The following CSMD1 variants were observed in gnomAD, a reference collection of about 807,000 sequenced individuals.
The protein encoded by CSMD1 is CUB and Sushi multiple domains 1, also known as CUB and sushi domain-containing protein 1.
A neutral mutation model predicts 417.5 loss-of-function variants in CSMD1; 213 were observed. The ratio of observed to expected loss-of-function variants is 0.51; its 90% confidence interval spans 0.46 to 0.57. The LOEUF is 0.57. Ranked by LOEUF, CSMD1 falls within the 20% of genes least tolerant of loss-of-function variation. The pLI, the probability that CSMD1 is intolerant of heterozygous loss-of-function variation, is 0.00. For missense variants in CSMD1, 6,923 were observed against 4,529.7 expected, an observed-to-expected ratio of 1.53 and a Z score of -15.17; for synonymous variants, 2,862 against 1,736.8, an observed-to-expected ratio of 1.65 and a Z score of -16.11.
rs552489770 is a variant in CSMD1 at position 4,681,157 on chromosome 8, C to T, written c.86-43599G>A. On this transcript the variant is annotated intron_variant, in intron 1 of 69. Coordinates refer to ENST00000635120, the MANE Select transcript of CSMD1 (RefSeq NM_033225.6). ...TTTTGACATAGGCATGAATGGCCAA[C>T]AATACTTCTTGAGAAGGTAATCTAT... Among the ~76,000 whole-genome samples the T allele has an allele frequency of 2.1e-3, 318 of 152,202 alleles. 4 individuals carry two copies. Among genetic ancestry groups the T allele is most frequent in the South Asian group, 3.9e-3 (19 of 4,822 alleles).
intron 21 of CSMD1, 60 bp from the exon 22 acceptor site, chr8:3,348,221 GA>G: frequency 7.4e-7 from 1 of 1,342,914 alleles, no homozygotes; most frequent in Non-Finnish European, 1.0e-6. Flanking sequence ...GTTTTTAACA[GA>G]TTAAAAACTT....
At chr8:4,689,153 G>C (rs1324843474) in intron 1 of CSMD1, among the ~76,000 whole-genome samples, 1 of 152,142 alleles carries the variant, frequency 6.6e-6, no homozygotes, top group Non-Finnish European at 1.5e-5. Context: ...ATTCAGCAAA[G>C]GTAACAGGCC....
At chr8:3,539,911 T>C (rs545277698) in intron 10 of CSMD1, among the ~76,000 whole-genome samples, 4 of 152,312 alleles carry the variant, frequency 2.6e-5, no homozygotes, top group South Asian at 2.1e-4. Flanking sequence ...TTAGACACAA[T>C]TGCTTCATGG....
At chr8:3,654,430 T>C (rs560472506) in intron 7 of CSMD1, among the ~76,000 whole-genome samples, 1 of 152,140 alleles carries the variant, frequency 6.6e-6, no homozygotes, top group Non-Finnish European at 1.5e-5. Context: ...CACATGCCTG[T>C]GCACATAGGG....
At chr8:4,883,432 T>C (rs1585260173) in intron 1 of CSMD1, among the ~76,000 whole-genome samples, 1 of 152,106 alleles carries the variant, frequency 6.6e-6, no homozygotes, top group East Asian at 1.9e-4. Context: ...TCTCTCATTT[T>C]GAACATTTTT....
intron 2 of CSMD1, among the ~76,000 whole-genome samples, chr8:4,583,201 C>A (rs1359440852): frequency 6.6e-6 from 1 of 152,182 alleles, no homozygotes; most frequent in Non-Finnish European, 1.5e-5. Flanking sequence ...CACCCAAGGG[C>A]TGAGGAATGC....
intron 3 of CSMD1, among the ~76,000 whole-genome samples, chr8:4,091,996 T>G (rs768707530): frequency 1.3e-5 from 2 of 152,272 alleles, no homozygotes; most frequent in East Asian, 1.9e-4. Flanking sequence ...GCCTAAAAAG[T>G]GAAGCTACTT....
intron 5 of CSMD1, among the ~76,000 whole-genome samples, chr8:3,851,467 A>G (rs1385623601): frequency 6.6e-6 from 1 of 152,138 alleles, no homozygotes; most frequent in Non-Finnish European, 1.5e-5. Context: ...ATCTCAAGGG[A>G]AAAAGTACAA....
intron 6 of CSMD1, among the ~76,000 whole-genome samples, chr8:3,727,178 C>A (rs1585141148): frequency 6.6e-6 from 1 of 152,156 alleles, no homozygotes; most frequent in South Asian, 2.1e-4. Context: ...ATACTTAGAG[C>A]AATGTGAATG....
chr8:4,148,658 G>A (rs776751720), intron 3 of CSMD1, among the ~76,000 whole-genome samples: 1 of 152,172 alleles, frequency 6.6e-6, no homozygotes, highest in African/African-American at 2.4e-5. Context: ...GGATGGCAGA[G>A]AGAGGAGCGT....
At chr8:4,129,951 G>A (rs62503603) in intron 3 of CSMD1, among the ~76,000 whole-genome samples, 23,642 of 151,878 alleles carry the variant, frequency 0.16, 1,968 homozygotes, top group Middle Eastern at 0.23. Flanking sequence ...CTTATATCTT[G>A]CAAATTTTCA....
At chr8:4,969,057 C>T (rs1810071140) in intron 1 of CSMD1, among the ~76,000 whole-genome samples, 1 of 152,168 alleles carries the variant, frequency 6.6e-6, no homozygotes, top group African/African-American at 2.4e-5. Flanking sequence ...ATCCTGAATG[C>T]CACCATGTAG....
intron 1 of CSMD1, among the ~76,000 whole-genome samples, chr8:4,969,405 G>C (rs1007022129): frequency 6.6e-5 from 10 of 151,830 alleles, no homozygotes; most frequent in Non-Finnish European, 1.3e-4. Flanking sequence ...CCAAGATCCA[G>C]TAGGGCAAGT....
intron 1 of CSMD1, among the ~76,000 whole-genome samples, chr8:4,838,467 G>C (rs1019164102): frequency 6.6e-6 from 1 of 152,184 alleles, no homozygotes; most frequent in African/African-American, 2.4e-5. Context: ...AAACTGCCCT[G>C]ATGAAGATGC....
At chr8:3,516,322 A>G (rs1013395700) in intron 10 of CSMD1, among the ~76,000 whole-genome samples, 2 of 152,238 alleles carry the variant, frequency 1.3e-5, no homozygotes, top group African/African-American at 4.8e-5. Flanking sequence ...AAAGAAGGTC[A>G]ACATAGCAGA....
intron 3 of CSMD1, among the ~76,000 whole-genome samples, chr8:4,378,907 T>A (rs1169327353): frequency 6.6e-6 from 1 of 152,220 alleles, no homozygotes; most frequent in Non-Finnish European, 1.5e-5. Context: ...TGCTTGGGTC[T>A]TGGACTTCCC....
chr8:4,836,361 G>A (rs1273567341), intron 1 of CSMD1, among the ~76,000 whole-genome samples: 3 of 152,122 alleles, frequency 2.0e-5, no homozygotes, highest in Non-Finnish European at 4.4e-5. Context: ...TCTATGTGGA[G>A]CCATGCCACA....
At chr8:3,939,555 G>A (rs75938761) in intron 5 of CSMD1, among the ~76,000 whole-genome samples, 6,770 of 152,160 alleles carry the variant, frequency 0.044, 203 homozygotes, top group South Asian at 0.078. Context: ...TATGAAAAAG[G>A]CACATGCACA....
rs534579276 is a variant in CSMD1, at chr8:3,284,488, A to T, written c.3951-142T>A. ...GGTACTTACTGTCTGACAATGAAGG[A>T]TGAGGAAAATGAGGCTCACCGAAGA... On this transcript the variant is annotated intron_variant, in intron 25 of 69. Transcript: ENST00000635120. The T allele has an allele frequency of 6.2e-6, 4 of 640,720 alleles. No homozygotes were observed. In the African/African-American group the frequency reaches 7.2e-5, roughly 12 times the overall value. The allele number at this position is 640,720 out of a possible 1,614,324, so 39.7% of individuals were successfully genotyped here.
Sources: allele counts gnomAD v4.1 joint callset (sites outside exome capture counted in the v4.1 genomes callset), GRCh38; gene constraint gnomAD v4.1.1; transcripts MANE v1.5; gene names NCBI Gene and HGNC (gene_info 2026-07-23, HGNC 2026-07-21).